The following CYP51A1 variants were observed in gnomAD, a reference collection of about 807,000 sequenced individuals.
CYP51A1 encodes cytochrome P450 family 51 subfamily A member 1.
In CYP51A1, 45 loss-of-function variants were observed where a neutral mutation model predicts 53.5. The observed-to-expected ratio is 0.84, with a 90% CI of 0.66 to 1.08. The LOEUF is 1.08. Among genes scored for constraint, CYP51A1 ranks in the 50% least tolerant of loss-of-function variants. The pLI is 0.00. For missense variants in CYP51A1, 462 were observed against 621.7 expected (o/e 0.74, Z 2.73); for synonymous variants, 181 against 217.7 (o/e 0.83, Z 1.48).
chr7:92,117,122 G>C lies in CYP51A1; in HGVS notation c.1273C>G (p.Leu425Val). The change falls in exon 9 of 10, where the codon CTG becomes GTG. Residue 425 changes from leucine to valine, a missense_variant. Coordinates refer to ENST00000003100, the MANE Select transcript of CYP51A1 (RefSeq NM_000786.4). ...AAGTAGCGATCAGGATTAAAGTCCA[G>C]GCGTTCTACCCATGAGTCTTTAAGT... ...QRLKDSWVER[L>V]DFNPDRYLQD... The C allele has an allele frequency of 6.2e-7, 1 of 1,614,114 alleles. No homozygotes were observed. Among genetic ancestry groups the C allele is most frequent in the Non-Finnish European group, 8.5e-7 (1 of 1,180,000 alleles).
At position 92,134,390 on chromosome 7, in the gene CYP51A1, C is replaced by A. The variant is rs747093606; in HGVS notation, c.-26G>T. On this transcript the variant is annotated 5_prime_UTR_variant, in exon 1 of 10. Coordinates refer to ENST00000003100, the MANE Select transcript of CYP51A1 (RefSeq NM_000786.4). Reference sequence around the variant, plus strand: ...TCACTCCGTCGGAAACACTGAAGGCCGAGGTCGCCACCGCTCCTCCCAATC... The same window carrying A: ...TCACTCCGTCGGAAACACTGAAGGCAGAGGTCGCCACCGCTCCTCCCAATC... 5.2e-6 allele frequency: 8 copies of A among 1,540,510 alleles called. No individual in the cohort carries two copies. The highest frequency in any genetic ancestry group is 2.4e-5 in the South Asian group (2 of 82,222).
At chr7:92,121,281 CAAA>C (rs111668177) in intron 7 of CYP51A1, among the ~76,000 whole-genome samples, 1 of 115,696 alleles carries the variant, frequency 8.6e-6, no homozygotes. Context: ...GACTCTGTCT[CAAA>C]AAAAAAAAAA....
intron 5 of CYP51A1, among the ~76,000 whole-genome samples, chr7:92,124,877 C>T (rs1301553897): frequency 1.3e-5 from 2 of 152,308 alleles, no homozygotes; most frequent in Admixed American, 6.5e-5. Context: ...GGTGCAGTGG[C>T]TCACGCCTGT....
intron 1 of CYP51A1, 51 bp downstream of exon 1, chr7:92,134,122 C>A: frequency 6.3e-7 from 1 of 1,576,280 alleles, no homozygotes; most frequent in Non-Finnish European, 8.7e-7. Flanking sequence ...AGCCCTTCGG[C>A]CGCCTCAGCT....
At chr7:92,126,187 G>T (rs1819796286) in intron 5 of CYP51A1, 66 bp downstream of exon 5, 3 of 1,144,356 alleles carry the variant, frequency 2.6e-6, no homozygotes, top group Non-Finnish European at 2.4e-6. Flanking sequence ...TTAAGGCAAA[G>T]CATACCAACA....
intron 2 of CYP51A1, among the ~76,000 whole-genome samples, chr7:92,129,970 C>T (rs1318817583): frequency 1.3e-5 from 2 of 152,024 alleles, no homozygotes; most frequent in Admixed American, 1.3e-4. Flanking sequence ...CATACAGAGC[C>T]TCATAAGCCA....
intron 5 of CYP51A1, among the ~76,000 whole-genome samples, chr7:92,125,202 G>C (rs542442070): frequency 1.9e-4 from 29 of 151,428 alleles, no homozygotes; most frequent in Admixed American, 1.5e-3. Context: ...ATGAGTCCAG[G>C]GCTGTGCTGG....
chr7:92,134,537 G>A (rs1187495012), upstream of CYP51A1: 9 of 644,290 alleles, frequency 1.4e-5, no homozygotes, highest in East Asian at 1.5e-4. Context: ...AGAATGGGGC[G>A]GGATGTTCCG....
At chr7:92,129,811 A>G (rs1819881778) in intron 2 of CYP51A1, among the ~76,000 whole-genome samples, 2 of 152,198 alleles carry the variant, frequency 1.3e-5, no homozygotes, top group South Asian at 4.1e-4. Context: ...GAGAGAATCT[A>G]AAAAAGGGAG....
chr7:92,113,796 T>A lies in CYP51A1; in HGVS notation c.1399A>T (p.Thr467Ser). ...AAACGAAGCATAGTGGACCAAATTG[T>A]CTTAATTTGAACATAGGCAAAATTT... ...GENFAYVQIK[T>S]IWSTMLRLYE... The change falls in exon 10 of 10, where the codon ACA becomes TCA. Residue 467 changes from threonine to serine, a missense_variant. Physicochemically the swap from Thr to Ser is moderately conservative, Grantham distance 58. Coordinates refer to ENST00000003100, the MANE Select transcript of CYP51A1 (RefSeq NM_000786.4). 6.2e-7 allele frequency: 1 copy of A among 1,610,970 alleles called. No individual in the cohort carries two copies. Among genetic ancestry groups the A allele is most frequent in the Non-Finnish European group, 8.5e-7 (1 of 1,178,880 alleles).
intron 5 of CYP51A1, among the ~76,000 whole-genome samples, chr7:92,125,723 C>T (rs1819785255): frequency 6.6e-6 from 1 of 152,172 alleles, no homozygotes; most frequent in African/African-American, 2.4e-5. Flanking sequence ...AGGCTGGGCT[C>T]AGTGGCTCAC....
chr7:92,121,009 A>G (rs769048581), intron 7 of CYP51A1, among the ~76,000 whole-genome samples: 12 of 152,024 alleles, frequency 7.9e-5, no homozygotes, highest in African/African-American at 1.4e-4. Context: ...CAAAATACCA[A>G]CTGGGCATGG....
At chr7:92,126,662 C>T (rs1233653784) in intron 4 of CYP51A1, among the ~76,000 whole-genome samples, 2 of 152,182 alleles carry the variant, frequency 1.3e-5, no homozygotes. Flanking sequence ...CAAAACCCCA[C>T]TCATGAGCAC....
intron 1 of CYP51A1, 147 bp downstream of exon 1, chr7:92,134,026 C>T: frequency 1.4e-6 from 1 of 727,622 alleles, no homozygotes. Context: ...AGCGCGCCTG[C>T]CACCAAAGCC....
At chr7:92,114,785 A>G (rs1235951322) in intron 9 of CYP51A1, among the ~76,000 whole-genome samples, 2 of 152,234 alleles carry the variant, frequency 1.3e-5, no homozygotes, top group Non-Finnish European at 2.9e-5. Context: ...TAAAAGATTG[A>G]TACATTGGAC....
intron 1 of CYP51A1, 148 bp from the exon 2 acceptor site, chr7:92,132,020 TGAGAACA>T (rs1819932385): frequency 1.6e-6 from 1 of 611,030 alleles, no homozygotes; most frequent in Non-Finnish European, 3.0e-6. Flanking sequence ...AGAAGTAACT[TGAGAACA>T]GCCAAATTGC....
rs1249391536 is a variant in CYP51A1, at chr7:92,113,255, T to C, written c.*410A>G. ...CCAGATAAATAATAATAAACTGTGG[T>C]TTCCAAGTATCTCACTGGGATTTTT... On this transcript the variant is annotated 3_prime_UTR_variant, in exon 10 of 10. Coordinates refer to ENST00000003100, the MANE Select transcript of CYP51A1 (RefSeq NM_000786.4). The C allele has an allele frequency of 6.3e-6, 1 of 158,842 alleles. No individual in the cohort carries two copies. Among genetic ancestry groups the C allele is most frequent in the Non-Finnish European group, 1.4e-5 (1 of 72,950 alleles). The allele number at this position is 158,842 out of a possible 1,614,324, so 9.8% of individuals were successfully genotyped here. A position where few individuals can be genotyped will look rare whatever the true frequency, so the allele number is the denominator to read the frequency against.
At chr7:92,120,741 T>C (rs555080078) in intron 7 of CYP51A1, among the ~76,000 whole-genome samples, 5 of 152,268 alleles carry the variant, frequency 3.3e-5, no homozygotes, top group Admixed American at 2.6e-4. Context: ...AAATGTAAGA[T>C]ATGAAACTAC....
chr7:92,113,818 A>G lies in CYP51A1; in HGVS notation c.1377T>C (p.Asn459=), dbSNP rs1456352173. 1 of 1,605,936 alleles carries G rather than the reference A, an allele frequency of 6.2e-7. No individual in the cohort carries two copies. The highest frequency in any genetic ancestry group is 2.2e-5 in the East Asian group (1 of 44,686). The change falls in exon 10 of 10, where the codon AAT becomes AAC. Residue 459 remains asparagine, a synonymous_variant. Transcript: ENST00000003100. Reference sequence around the variant, plus strand: ...TTGTCTTAATTTGAACATAGGCAAAATTTTCCCCAATACAACGATGACGCC... The same window carrying G: ...TTGTCTTAATTTGAACATAGGCAAAGTTTTCCCCAATACAACGATGACGCC... ...GAGRHRCIGE[N]FAYVQIKTIW... is the part of the protein sequence containing the mutation.
Sources: gnomAD v4.1 joint callset for allele counts (sites outside exome capture counted in the v4.1 genomes callset) on GRCh38, gnomAD v4.1.1 for gene constraint, MANE v1.5 for transcripts, NCBI Gene and HGNC (gene_info 2026-07-23, HGNC 2026-07-21) for gene names.